RASGRP1: variants seen among roughly 807,000 people sequenced by gnomAD.
The protein encoded by RASGRP1 is RAS guanyl releasing protein 1.
A neutral mutation model predicts 95.1 loss-of-function variants in RASGRP1; 37 were observed. That is an observed-to-expected ratio of 0.39 (90% confidence interval 0.30 to 0.51). The LOEUF (loss-of-function observed/expected upper bound fraction) is 0.51, where lower values mean the gene tolerates loss of function less well. Among genes scored for constraint, RASGRP1 ranks in the 20% least tolerant of loss-of-function variants. The pLI, the probability that RASGRP1 is intolerant of heterozygous loss-of-function variation, is 0.80. For synonymous variants in RASGRP1, 325 were observed against 353.4 expected (o/e 0.92, Z 0.90); for missense variants, 711 against 965.4 (o/e 0.74, Z 3.49).
At position 38,489,802 on chromosome 15, in the gene RASGRP1, GTTTAT is replaced by G. The variant is rs559592591; in HGVS notation, c.*747_*751del. On this transcript the variant is annotated 3_prime_UTR_variant, in exon 17 of 17. Coordinates refer to ENST00000310803, the MANE Select transcript of RASGRP1 (RefSeq NM_005739.4). ...ATAAGGACAAACATGTTTGCGTTATGTTTATTTTAATTAGACAGTAATATGAGATG... is the reference window on the plus strand; with the variant it reads ...ATAAGGACAAACATGTTTGCGTTATGTTTAATTAGACAGTAATATGAGATG... The G allele has an allele frequency of 4.0e-5, 6 of 151,818 alleles. No individual in the cohort carries two copies. The East Asian group carries it at 9.7e-4, about 24-fold the overall frequency. 9.4% of individuals were successfully genotyped at this position (151,818 alleles called of 1,614,324 possible).
At chr15:38,550,372 A>T (rs1893292137) in intron 2 of RASGRP1, among the ~76,000 whole-genome samples, 1 of 152,154 alleles carries the variant, frequency 6.6e-6, no homozygotes, top group Non-Finnish European at 1.5e-5. Flanking sequence ...AAAATAAAAA[A>T]AAGTTCACAT....
intron 2 of RASGRP1, among the ~76,000 whole-genome samples, chr15:38,541,322 T>G (rs1020950428): frequency 1.3e-5 from 2 of 152,110 alleles, no homozygotes; most frequent in African/African-American, 4.8e-5. Flanking sequence ...GAAGGCCAGG[T>G]GTGGTGACGT....
chr15:38,553,590 G>C (rs1166363232), intron 2 of RASGRP1, among the ~76,000 whole-genome samples: 3 of 152,178 alleles, frequency 2.0e-5, no homozygotes, highest in African/African-American at 7.2e-5. Flanking sequence ...TAGGAAACTG[G>C]AGTGTTGAAT....
At position 38,513,869 on chromosome 15, in the gene RASGRP1, A is replaced by C. The variant is rs77447275; in HGVS notation, c.676-913T>G. Among the ~76,000 whole-genome samples the C allele has an allele frequency of 7.4e-3, 1,134 of 152,266 alleles. 10 individuals are homozygous for C. The highest frequency in any genetic ancestry group is 0.026 in the African/African-American group (1,081 of 41,546). On this transcript the variant is annotated intron_variant, in intron 6 of 16. Coordinates refer to ENST00000310803, the MANE Select transcript of RASGRP1 (RefSeq NM_005739.4). ...TTGAAAGAAGGTGTGACCATATGAC[A>C]TGGTTCAGCCAGCAGAATGTTGAGT...
In RASGRP1 at chr15:38,518,500, T is replaced by G. The variant is rs1891876594; in HGVS notation, c.390-77A>C. 8.3e-6 allele frequency: 12 copies of G among 1,448,358 alleles called. No individual in the cohort carries two copies. In the South Asian group the frequency reaches 1.4e-4, roughly 16 times the overall value. The allele number at this position is 1,448,358 out of a possible 1,614,324, so 89.7% of individuals were successfully genotyped here. On this transcript the variant is annotated intron_variant, in intron 4 of 16. Transcript: ENST00000310803. Reference sequence around the variant, plus strand: ...CAATTTGTTGGGTTCCAAAAGGAATTTACTGCCACAAAGAGAACTCAGAAA... The same window carrying G: ...CAATTTGTTGGGTTCCAAAAGGAATGTACTGCCACAAAGAGAACTCAGAAA...
intron 2 of RASGRP1, among the ~76,000 whole-genome samples, chr15:38,529,716 CAT>C (rs1422708495): frequency 6.6e-6 from 1 of 152,204 alleles, no homozygotes; most frequent in Non-Finnish European, 1.5e-5. Context: ...GGTACTGACA[CAT>C]GATTCATTCA....
intron 10 of RASGRP1, 29 bp downstream of exon 10, chr15:38,505,811 C>A: frequency 6.6e-7 from 1 of 1,524,114 alleles, no homozygotes; most frequent in Non-Finnish European, 9.1e-7. Context: ...GCACCTGTTA[C>A]ATGTGGAGTC....
chr15:38,533,966 G>A (rs1470908644), intron 2 of RASGRP1, among the ~76,000 whole-genome samples: 6 of 152,204 alleles, frequency 3.9e-5, no homozygotes, highest in Middle Eastern at 3.2e-3. Flanking sequence ...CAGCTCTCAG[G>A]ACAGGTGTGG....
At position 38,489,113 on chromosome 15, in the gene RASGRP1, G is replaced by C. The variant is rs1443318421; in HGVS notation, c.*1441C>G. On this transcript the variant is annotated 3_prime_UTR_variant, in exon 17 of 17. Transcript: ENST00000310803. Reference sequence around the variant, plus strand: ...ATTCTTATGAAGACTTGGTGCTATTGGCTTTAGTTTGGAACTTTTAATTGT... The same window carrying C: ...ATTCTTATGAAGACTTGGTGCTATTCGCTTTAGTTTGGAACTTTTAATTGT... 1 of 151,920 alleles carries C rather than the reference G, an allele frequency of 6.6e-6. No individual in the cohort carries two copies. 9.4% of individuals were successfully genotyped at this position (151,920 alleles called of 1,614,324 possible). A position where few individuals can be genotyped will look rare whatever the true frequency, so the allele number is the denominator to read the frequency against.
intron 3 of RASGRP1, 156 bp downstream of exon 3, chr15:38,526,143 C>G (rs1415682663): frequency 4.7e-6 from 3 of 632,832 alleles, no homozygotes; most frequent in Admixed American, 5.2e-5. Flanking sequence ...TGAACACACC[C>G]CCAACACATG....
At chr15:38,539,376 T>C (rs75777108) in intron 2 of RASGRP1, among the ~76,000 whole-genome samples, 400 of 152,302 alleles carry the variant, frequency 2.6e-3, no homozygotes, top group Non-Finnish European at 4.9e-3. Flanking sequence ...CAATTCTGCA[T>C]GATCGATGTT....
intron 16 of RASGRP1, among the ~76,000 whole-genome samples, chr15:38,491,755 A>G (rs1890594245): frequency 6.6e-6 from 1 of 152,222 alleles, no homozygotes; most frequent in South Asian, 2.1e-4. Flanking sequence ...AAATACACAC[A>G]GTGAATTCTG....
At chr15:38,545,819 C>T (rs1276918951) in intron 2 of RASGRP1, among the ~76,000 whole-genome samples, 1 of 152,168 alleles carries the variant, frequency 6.6e-6, no homozygotes, top group Non-Finnish European at 1.5e-5. Context: ...TGAAATACTC[C>T]ATATTATTTC....
chr15:38,494,900 G>T, intron 15 of RASGRP1, 133 bp from the exon 16 acceptor site: 1 of 859,664 alleles, frequency 1.2e-6, no homozygotes, highest in Non-Finnish European at 1.6e-6. Flanking sequence ...CCATTTTCAG[G>T]CACCCAGTTT....
chr15:38,488,707 T>G lies in RASGRP1; in HGVS notation c.*1847A>C, dbSNP rs972048065. 3 of 151,972 alleles carry G rather than the reference T, an allele frequency of 2.0e-5. No homozygotes were observed. The highest frequency in any genetic ancestry group is 4.4e-5 in the Non-Finnish European group (3 of 67,858). 9.4% of individuals were successfully genotyped at this position (151,972 alleles called of 1,614,324 possible). ...AAAAAAATTGTGTTCCATTACTGTTTTAAAAAATTAGAGTACACCATCTTT... is the reference window on the plus strand; with the variant it reads ...AAAAAAATTGTGTTCCATTACTGTTGTAAAAAATTAGAGTACACCATCTTT... On this transcript the variant is annotated 3_prime_UTR_variant, in exon 17 of 17. Transcript: ENST00000310803.
In RASGRP1 at chr15:38,518,450, A is replaced by G. The variant is rs368051981; in HGVS notation, c.390-27T>C. On this transcript the variant is annotated intron_variant, in intron 4 of 16. Coordinates refer to ENST00000310803, the MANE Select transcript of RASGRP1 (RefSeq NM_005739.4). ...TACAAGGAGGGGGTTAAAAAACACA[A>G]TCCAAAACTGATACCAAGGACTCAC... The G allele has an allele frequency of 6.9e-5, 110 of 1,585,730 alleles. No homozygotes were observed. In the African/African-American group the frequency reaches 1.3e-3, roughly 19 times the overall value.
chr15:38,548,743 G>C (rs763950511), intron 2 of RASGRP1, among the ~76,000 whole-genome samples: 3 of 152,220 alleles, frequency 2.0e-5, no homozygotes, highest in Middle Eastern at 3.4e-3. Flanking sequence ...TTAGAAAAAA[G>C]GTTCACATAC....
intron 2 of RASGRP1, among the ~76,000 whole-genome samples, chr15:38,555,886 G>A (rs916835762): frequency 3.9e-5 from 6 of 152,258 alleles, no homozygotes; most frequent in Admixed American, 6.5e-5. Context: ...GGGGGGGCCC[G>A]TTCTGAGGCA....
chr15:38,506,202 C>T (rs1891245639), intron 9 of RASGRP1, among the ~76,000 whole-genome samples: 1 of 152,236 alleles, frequency 6.6e-6, no homozygotes, highest in Non-Finnish European at 1.5e-5. Flanking sequence ...CTTGTCTGGA[C>T]AGATGACTAA....
Sources: gnomAD v4.1 joint callset for allele counts (sites outside exome capture counted in the v4.1 genomes callset) on GRCh38, gnomAD v4.1.1 for gene constraint, MANE v1.5 for transcripts, NCBI Gene and HGNC (gene_info 2026-07-23, HGNC 2026-07-21) for gene names.